The following SCLT1 variants were observed in gnomAD, a reference collection of about 807,000 sequenced individuals.
The protein encoded by SCLT1 is sodium channel-associated protein 1.
Under a neutral mutation model 112.8 loss-of-function variants are expected in SCLT1, and 78 were observed. The observed-to-expected ratio is 0.69, with a 90% confidence interval of 0.58 to 0.83. The LOEUF is 0.83. Among genes scored for constraint, SCLT1 ranks in the 40% least tolerant of loss-of-function variants. The pLI, the probability that SCLT1 is intolerant of heterozygous loss-of-function variation, is 0.00. For synonymous variants in SCLT1, 257 were observed against 254.7 expected, an observed-to-expected ratio of 1.01 and a Z score of -0.09; for missense variants, 747 against 770.4, an observed-to-expected ratio of 0.97 and a Z score of 0.36.
Position 129,064,337 on chromosome 4 carries a change from T to C in SCLT1, c.102+17969A>G, listed in dbSNP as rs549151239. Among the ~76,000 whole-genome samples the C allele has an allele frequency of 1.1e-4, 17 of 152,320 alleles. No individual in the cohort carries two copies. In the East Asian group the frequency reaches 2.3e-3, roughly 21 times the overall value. Reference sequence around the variant, plus strand: ...ACATTAGTAAAGTTCAAAATTTCAATTTATGGACCTTGCTTTTTCCTTTTA... The same window carrying C: ...ACATTAGTAAAGTTCAAAATTTCAACTTATGGACCTTGCTTTTTCCTTTTA... On this transcript the variant is annotated intron_variant, in intron 2 of 20. Coordinates refer to ENST00000281142, the MANE Select transcript of SCLT1 (RefSeq NM_144643.4).
intron 2 of SCLT1, among the ~76,000 whole-genome samples, chr4:129,077,244 A>C (rs887626076): frequency 6.6e-6 from 1 of 152,172 alleles, no homozygotes; most frequent in African/African-American, 2.4e-5. Flanking sequence ...TAGACAATCA[A>C]GTTTGAAGTT....
At chr4:128,931,460 A>AATTTT (rs757456546) in intron 18 of SCLT1, among the ~76,000 whole-genome samples, 1 of 151,936 alleles carries the variant, frequency 6.6e-6, no homozygotes, top group Non-Finnish European at 1.5e-5. Context: ...GCTATTACAG[A>AATTTT]ATTTTATTTT....
chr4:129,022,395 T>C (rs1257354372), intron 5 of SCLT1, among the ~76,000 whole-genome samples: 1 of 152,166 alleles, frequency 6.6e-6, no homozygotes, highest in African/African-American at 2.4e-5. Context: ...GCTAGGAACC[T>C]TGACAAAAGT....
At chr4:128,950,727 T>TA (rs1011998169) in intron 14 of SCLT1, among the ~76,000 whole-genome samples, 5 of 151,698 alleles carry the variant, frequency 3.3e-5, no homozygotes, top group African/African-American at 9.7e-5. Context: ...ATTTAGAAAC[T>TA]AAAAAAAAGA....
intron 18 of SCLT1, among the ~76,000 whole-genome samples, chr4:128,891,557 AAAAT>A (rs1477293589): frequency 6.6e-6 from 1 of 152,202 alleles, no homozygotes; most frequent in African/African-American, 2.4e-5. Context: ...ATTAGACACT[AAAAT>A]AAAAGCATAC....
chr4:129,030,196 T>A (rs1207006581), intron 5 of SCLT1, among the ~76,000 whole-genome samples: 1 of 152,132 alleles, frequency 6.6e-6, no homozygotes, highest in Non-Finnish European at 1.5e-5. Context: ...TTAAACAACC[T>A]GTTCCTGAAT....
chr4:129,024,011 T>A (rs552646741), intron 5 of SCLT1, among the ~76,000 whole-genome samples: 26 of 152,344 alleles, frequency 1.7e-4, no homozygotes, highest in Non-Finnish European at 3.5e-4. Flanking sequence ...TTGCCCAGGC[T>A]TGCTTAGGTA....
intron 5 of SCLT1, among the ~76,000 whole-genome samples, chr4:129,013,184 C>T (rs960888225): frequency 1.3e-5 from 2 of 152,112 alleles, no homozygotes; most frequent in African/African-American, 4.8e-5. Context: ...TTGTTTCCCT[C>T]TTTGTGCTTG....
Position 128,901,949 on chromosome 4 carries a change from C to G in SCLT1, c.1830-10812G>C, listed in dbSNP as rs565794720. Among the ~76,000 whole-genome samples, 17 of 152,128 alleles carry G rather than the reference C, an allele frequency of 1.1e-4. 1 individual carries two copies. The South Asian group carries it at 3.5e-3, about 32-fold the overall frequency. ...TTTTTGTTTTGAGATGGGGGTCTTG[C>G]TCTATTGCCCAGGCTGGAGTGCAGT... is the stretch of plus-strand genomic sequence containing the variant. On this transcript the variant is annotated intron_variant, in intron 18 of 20. Coordinates refer to ENST00000281142, the MANE Select transcript of SCLT1 (RefSeq NM_144643.4).
At chr4:129,087,123 G>C (rs1752463326) in intron 1 of SCLT1, among the ~76,000 whole-genome samples, 1 of 152,160 alleles carries the variant, frequency 6.6e-6, no homozygotes, top group Admixed American at 6.5e-5. Flanking sequence ...CTTATTAAGA[G>C]GTGGAGCTGA....
At chr4:128,952,362 C>T (rs1337212302) in intron 14 of SCLT1, 2 of 458,886 alleles carry the variant, frequency 4.4e-6, no homozygotes, top group East Asian at 1.4e-4. Context: ...CACAAGTATT[C>T]TTTTCCTCTC....
At chr4:128,882,024 T>C (rs1380521933), downstream of SCLT1, among the ~76,000 whole-genome samples, 1 of 152,144 alleles carries the variant, frequency 6.6e-6, no homozygotes, top group South Asian at 2.1e-4. Flanking sequence ...GGAGAAAGTA[T>C]CTATGTTCAG....
chr4:129,045,529 T>TA (rs796629920), intron 2 of SCLT1, among the ~76,000 whole-genome samples: 2 of 151,752 alleles, frequency 1.3e-5, no homozygotes, highest in Admixed American at 6.6e-5. Context: ...ACAGAATAAA[T>TA]AAAAAATGAT....
At chr4:129,078,060 G>T (rs142041100) in intron 2 of SCLT1, among the ~76,000 whole-genome samples, 36 of 152,304 alleles carry the variant, frequency 2.4e-4, no homozygotes, top group African/African-American at 8.4e-4. Flanking sequence ...GGCAGTAACA[G>T]TATGTTACCA....
At position 129,069,777 on chromosome 4, in the gene SCLT1, G is replaced by C. The variant is rs115325856; in HGVS notation, c.102+12529C>G. ...CTCTTGTCTGATCGCTCTGGCTAGG[G>C]CTTCCAGTATGATGTTGAAGAGGAG... On this transcript the variant is annotated intron_variant, in intron 2 of 20. Coordinates refer to ENST00000281142, the MANE Select transcript of SCLT1 (RefSeq NM_144643.4). 3.3e-3 allele frequency among the ~76,000 whole-genome samples: 495 copies of C among 152,132 alleles called. 2 individuals are homozygous for C. Among genetic ancestry groups the C allele is most frequent in the African/African-American group, 0.012 (482 of 41,518 alleles).
intron 9 of SCLT1, among the ~76,000 whole-genome samples, chr4:128,981,886 A>T (rs1741688884): frequency 6.6e-6 from 1 of 152,224 alleles, no homozygotes; most frequent in Non-Finnish European, 1.5e-5. Flanking sequence ...ATTATATCCT[A>T]TAGGCATTTA....
chr4:128,948,351 A>AG lies in SCLT1; in HGVS notation c.1293+144_1293+145insC. The stretch of plus-strand genomic sequence containing the variant: ...ACTCCATTGCAAAAAAAAAAAAAAA[A>AG]AAAAAAAAGAAAAGAAAAGAAAAAC... On this transcript the variant is annotated intron_variant, in intron 15 of 20. Coordinates refer to ENST00000281142, the MANE Select transcript of SCLT1 (RefSeq NM_144643.4). 3 of 1,018,844 alleles carry AG rather than the reference A, an allele frequency of 2.9e-6. No homozygotes were observed. In the South Asian group the frequency reaches 6.3e-5, roughly 21 times the overall value. 63.1% of individuals were successfully genotyped at this position (1,018,844 alleles called of 1,614,324 possible).
In SCLT1 at chr4:129,043,418, T is replaced by G. The variant is rs1747884563; in HGVS notation, c.211A>C (p.Asn71His). The change falls in exon 4 of 21, where the codon AAT (asparagine) becomes CAT (histidine). Residue 71 changes from asparagine (N) to histidine (H), a missense_variant. Physicochemically the swap from Asn to His is moderately conservative, Grantham distance 68. Transcript: ENST00000281142. Reference sequence around the variant, plus strand: ...ACCTGGTAATATTTCAGCTGCCCATTTAGTTCTCCTAGGTGTTTATCATAC... The same window carrying G: ...ACCTGGTAATATTTCAGCTGCCCATGTAGTTCTCCTAGGTGTTTATCATAC... The part of the protein sequence containing the change: ...TEYDKHLGEL[N>H]GQLKYYQKQV... The G allele has an allele frequency of 6.5e-7, 1 of 1,542,924 alleles. No individual in the cohort carries two copies. The highest frequency in any genetic ancestry group is 8.9e-7 in the Non-Finnish European group (1 of 1,125,344).
At chr4:129,067,294 C>CAT (rs972917426) in intron 2 of SCLT1, among the ~76,000 whole-genome samples, 26 of 150,662 alleles carry the variant, frequency 1.7e-4, no homozygotes, top group Admixed American at 1.5e-3. Flanking sequence ...AGCATTTTAC[C>CAT]AACATGGGAA....
Sources: allele counts gnomAD v4.1 joint callset (sites outside exome capture counted in the v4.1 genomes callset), GRCh38; gene constraint gnomAD v4.1.1; transcripts MANE v1.5; gene names NCBI Gene and HGNC (gene_info 2026-07-23, HGNC 2026-07-21).